The following VARS1 variants were observed in gnomAD, a reference collection of about 807,000 sequenced individuals.
VARS1 encodes valyl-tRNA synthetase 1.
Under a neutral mutation model 161.0 loss-of-function variants are expected in VARS1, and 92 were observed. The ratio of observed to expected loss-of-function variants is 0.57; its 90% CI spans 0.48 to 0.68. The LOEUF is 0.68. Among genes scored for constraint, VARS1 ranks in the 30% least tolerant of loss-of-function variants. VARS1 has a pLI of 0.00. For missense variants in VARS1, 1,338 were observed against 1,695.9 expected (o/e 0.79, Z 3.71); for synonymous variants, 595 against 682.5 (o/e 0.87, Z 2.00).
intron 8 of VARS1, among the ~76,000 whole-genome samples, chr6:31,790,518 C>T (rs1813802325): frequency 7.1e-6 from 1 of 141,616 alleles, no homozygotes; most frequent in Admixed American, 7.6e-5. Flanking sequence ...AAGAGAATCG[C>T]TTGAACCTAG....
rs766840856 is a variant in VARS1, at chr6:31,780,713, A to G, written c.2789T>C (p.Met930Thr). 26 of 1,614,056 alleles carry G rather than the reference A, an allele frequency of 1.6e-5. No individual in the cohort carries two copies. Among genetic ancestry groups the G allele is most frequent in the Non-Finnish European group, 2.2e-5 (26 of 1,180,030 alleles). ...DALRFGLCAY[M>T]SQGRDINLDV... ...CGCTTTGGGGGCCATACCCTGGGACATGTAGGCACATAATCCAAACCGGAG... is the reference window on the plus strand; with the variant it reads ...CGCTTTGGGGGCCATACCCTGGGACGTGTAGGCACATAATCCAAACCGGAG... The change falls in exon 24 of 30, where the codon ATG becomes ACG. Residue 930 changes from methionine to threonine, a missense_variant. Coordinates refer to ENST00000375663, the MANE Select transcript of VARS1 (RefSeq NM_006295.3). This position sits in a 1 kb window ranked among gnomAD's most constrained non-coding sequence, Gnocchi z 5.1.
In VARS1 at chr6:31,778,984, C is replaced by T; in HGVS notation, c.3709G>A (p.Glu1237Lys). Residue 1237 changes from glutamate (E) to lysine (K), a missense_variant, in exon 29 of 30, where the codon GAG becomes AAG. Coordinates refer to ENST00000375663, the MANE Select transcript of VARS1 (RefSeq NM_006295.3). This position sits in a 1 kb window ranked among gnomAD's most constrained non-coding sequence, Gnocchi z 5.1. ...YPVKVPLEVQ[E>K]ADEAKLQQTE... ...CCACACACCTTGGCTTCATCTGCCT[C>T]CTGGACTTCGAGCGGCACCTTGACA... 6.2e-7 allele frequency: 1 copy of T among 1,613,076 alleles called. No homozygotes were observed. Among genetic ancestry groups the T allele is most frequent in the Non-Finnish European group, 8.5e-7 (1 of 1,180,036 alleles).
Position 31,784,411 on chromosome 6 carries a change from T to TA in VARS1, c.1558dup (p.Tyr520LeufsTer2). On this transcript the variant is annotated frameshift_variant, in exon 12 of 30. Transcript: ENST00000375663. LOFTEE classifies it high-confidence loss of function. The surrounding 1 kb of genome is among the most constrained non-coding windows in gnomAD (Gnocchi z 6.1). Reference sequence around the variant, plus strand: ...GCTCCTACCTGAGCCTTGGACCTTATAGGCAAAGGACACGAGGACCCCGAA... The same window carrying TA: ...GCTCCTACCTGAGCCTTGGACCTTATAAGGCAAAGGACACGAGGACCCCGAA... The TA allele has an allele frequency of 6.2e-7, 1 of 1,614,118 alleles. No homozygotes were observed. Among genetic ancestry groups the TA allele is most frequent in the East Asian group, 2.2e-5 (1 of 44,876 alleles).
chr6:31,789,577 G>A (rs1581654628), intron 8 of VARS1, among the ~76,000 whole-genome samples: 1 of 152,148 alleles, frequency 6.6e-6, no homozygotes, highest in African/African-American at 2.4e-5. Context: ...TAATATAGGT[G>A]TGCCCCTGCC....
rs755739151 is a variant in VARS1, at chr6:31,792,264, G to A, written c.824C>T (p.Pro275Leu). ...PKPEKREKRD[P>L]GVITYDLPTP... ...TGGGAGGTCATAGGTAATGACCCCA[G>A]GATCCCGTTTCTCCCTCTTCTCTGG... Residue 275 changes from proline (P) to leucine (L), a missense_variant, in exon 6 of 30, where the codon CCT becomes CTT. Around this residue, in one of 3 missense-constraint regions of VARS1, gnomAD observed 902 missense variants for 1,090.3 expected, o/e 0.83. Transcript: ENST00000375663. The A allele has an allele frequency of 5.6e-6, 9 of 1,613,922 alleles. No individual in the cohort carries two copies. The South Asian group carries it at 9.9e-5, about 18-fold the overall frequency.
In VARS1 at chr6:31,785,948, A is replaced by T. The variant is rs1813474211; in HGVS notation, c.1101-215T>A. Among the ~76,000 whole-genome samples the T allele has an allele frequency of 6.6e-6, 1 of 152,160 alleles. No homozygotes were observed. Among genetic ancestry groups the T allele is most frequent in the Non-Finnish European group, 1.5e-5 (1 of 68,016 alleles). On this transcript the variant is annotated intron_variant, in intron 8 of 29. Transcript: ENST00000375663. This position sits in a 1 kb window ranked among gnomAD's most constrained non-coding sequence, Gnocchi z 6.1. ...TCGAGATGAGCCTGGCCAACATGGT[A>T]AAACCCCGTCTCTACTAAAAATACA...
Position 31,782,360 on chromosome 6 carries a change from G to T in VARS1, c.2075C>A (p.Ala692Asp). The T allele has an allele frequency of 6.2e-7, 1 of 1,612,786 alleles. No individual in the cohort carries two copies. Among genetic ancestry groups the T allele is most frequent in the Middle Eastern group, 1.6e-4 (1 of 6,062 alleles). ...CGEMAQAASA[A>D]VTRGDLRILP... ...GATGCGGAGGTCACCCCGAGTCACA[G>T]CGGCGCTGGCAGCCTGGGCCATCTC... Residue 692 changes from alanine to aspartate, a missense_variant, in exon 17 of 30, where the codon GCT becomes GAT. Physicochemically the swap from Ala to Asp is moderately radical, Grantham distance 126 (BLOSUM62 -2). Transcript: ENST00000375663. This position sits in a 1 kb window ranked among gnomAD's most constrained non-coding sequence, Gnocchi z 8.3.
chr6:31,793,783 T>G (rs1226335863), intron 2 of VARS1, among the ~76,000 whole-genome samples: 1 of 151,288 alleles, frequency 6.6e-6, no homozygotes, highest in African/African-American at 2.4e-5. Context: ...TTTTCTTAAC[T>G]CCTATGAAGA....
intron 6 of VARS1, 78 bp from the exon 7 acceptor site, chr6:31,792,049 G>A (rs1234648824): frequency 4.1e-6 from 6 of 1,471,354 alleles, no homozygotes; most frequent in Non-Finnish European, 5.5e-6. Flanking sequence ...GAGAGGGATC[G>A]GGATCTCCGT....
At position 31,784,090 on chromosome 6, in the gene VARS1, G is replaced by A. The variant is rs2151423552; in HGVS notation, c.1671+124C>T. 1 of 1,076,098 alleles carries A rather than the reference G, an allele frequency of 9.3e-7. No homozygotes were observed. 66.7% of individuals were successfully genotyped at this position (1,076,098 alleles called of 1,614,324 possible). The stretch of plus-strand genomic sequence containing the variant: ...TACCCTCAGAGCTGGGAAAGAAGCT[G>A]AAGACCAGTTTCTAACCCAGTTTCC... On this transcript the variant is annotated intron_variant, in intron 13 of 29. Coordinates refer to ENST00000375663, the MANE Select transcript of VARS1 (RefSeq NM_006295.3). This position sits in a 1 kb window ranked among gnomAD's most constrained non-coding sequence, Gnocchi z 6.1.
Position 31,791,762 on chromosome 6 carries a change from T to C in VARS1, c.973-25A>G. 1 of 1,612,992 alleles carries C rather than the reference T, an allele frequency of 6.2e-7. No homozygotes were observed. The highest frequency in any genetic ancestry group is 8.5e-7 in the Non-Finnish European group (1 of 1,179,990). ...GCTGATGGTGGAGAAGGATGGCACATGTTTAAGGCCTCAGGTCACCTCTCC... is the reference window on the plus strand; with the variant it reads ...GCTGATGGTGGAGAAGGATGGCACACGTTTAAGGCCTCAGGTCACCTCTCC... On this transcript the variant is annotated intron_variant, in intron 7 of 29. Coordinates refer to ENST00000375663, the MANE Select transcript of VARS1 (RefSeq NM_006295.3). The surrounding 1 kb of genome is among the most constrained non-coding windows in gnomAD (Gnocchi z 5.0).
At chr6:31,794,317 T>C (rs1814109035) in intron 2 of VARS1, among the ~76,000 whole-genome samples, 1 of 152,152 alleles carries the variant, frequency 6.6e-6, no homozygotes, top group African/African-American at 2.4e-5. Context: ...CTCAATACCA[T>C]GCAAGGAGGC....
Position 31,782,527 on chromosome 6 carries a change from C to T in VARS1, c.1991+3G>A. 1 of 1,613,038 alleles carries T rather than the reference C, an allele frequency of 6.2e-7. No homozygotes were observed. The highest frequency in any genetic ancestry group is 8.5e-7 in the Non-Finnish European group (1 of 1,180,028). ...TCCTCCCGTCCCAGGCCCCCACCCT[C>T]ACTTGCAAAGTGGCACCACCATGGG... On this transcript the variant is annotated splice_donor_region_variant and intron_variant, in intron 16 of 29. Coordinates refer to ENST00000375663, the MANE Select transcript of VARS1 (RefSeq NM_006295.3). This position sits in a 1 kb window ranked among gnomAD's most constrained non-coding sequence, Gnocchi z 8.3.
In VARS1 at chr6:31,779,068, C is replaced by A. The variant is rs774556830; in HGVS notation, c.3625G>T (p.Val1209Phe). 1 of 1,612,596 alleles carries A rather than the reference C, an allele frequency of 6.2e-7. No individual in the cohort carries two copies. Among genetic ancestry groups the A allele is most frequent in the East Asian group, 2.2e-5 (1 of 44,884 alleles). ...CGCTGGGCCTGCCGCTGGGCCTCAA[C>A]TCGCTTGGCTTGCAGCTTGCCCAGC... is the stretch of plus-strand genomic sequence containing the variant. ...RELGKLQAKR[V>F]EAQRQAQRLR... Residue 1209 changes from valine (V) to phenylalanine (F), a missense_variant, in exon 29 of 30, where the codon GTT becomes TTT. By Grantham distance (50) the Val-to-Phe change is conservative. This residue lies in a region of VARS1 where 433 missense variants were observed against 586.2 expected (regional missense o/e 0.74). Coordinates refer to ENST00000375663, the MANE Select transcript of VARS1 (RefSeq NM_006295.3). The surrounding 1 kb of genome is among the most constrained non-coding windows in gnomAD (Gnocchi z 9.1).
rs1261789457 is a variant in VARS1 at position 31,779,959 on chromosome 6, T to G, written c.3081+39A>C. ...TGAGCCCAGGGCTCTGCTGCCCACC[T>G]GCCCCCACCATCCCCTGCCCCGCTG... On this transcript the variant is annotated intron_variant, in intron 26 of 29. Transcript: ENST00000375663. The surrounding 1 kb of genome is among the most constrained non-coding windows in gnomAD (Gnocchi z 9.1). 5 of 1,610,366 alleles carry G rather than the reference T, an allele frequency of 3.1e-6. No individual in the cohort carries two copies. Among genetic ancestry groups the G allele is most frequent in the Non-Finnish European group, 4.2e-6 (5 of 1,178,224 alleles).
Position 31,784,585 on chromosome 6 carries a change from G to T in VARS1, c.1467+10C>A. 4 of 1,613,370 alleles carry T rather than the reference G, an allele frequency of 2.5e-6. No homozygotes were observed. The South Asian group carries it at 3.3e-5, about 13-fold the overall frequency. On this transcript the variant is annotated intron_variant, in intron 11 of 29. Coordinates refer to ENST00000375663, the MANE Select transcript of VARS1 (RefSeq NM_006295.3). This position sits in a 1 kb window ranked among gnomAD's most constrained non-coding sequence, Gnocchi z 6.1. ...TTGGAGATGGAGACAGGCCAGGTTG[G>T]GGGGCGCACCTCAATGTCAGAGATG...
rs1453144152 is a variant in VARS1 at position 31,781,774 on chromosome 6, A to G, written c.2348-13T>C. On this transcript the variant is annotated splice_polypyrimidine_tract_variant and intron_variant, in intron 19 of 29. Transcript: ENST00000375663. The surrounding 1 kb of genome is among the most constrained non-coding windows in gnomAD (Gnocchi z 6.8). ...AATACATCCTCATCTGAGAGAGGCC[A>G]AAGGTCAGAGGTCAGAGGGAGTGGA... The G allele has an allele frequency of 6.2e-7, 1 of 1,613,030 alleles. No individual in the cohort carries two copies. The highest frequency in any genetic ancestry group is 1.1e-5 in the South Asian group (1 of 91,080).
chr6:31,787,345 G>A (rs1452376386), intron 8 of VARS1, among the ~76,000 whole-genome samples: 2 of 152,010 alleles, frequency 1.3e-5, no homozygotes, highest in African/African-American at 4.8e-5. Flanking sequence ...TACCTTAAGA[G>A]TTTTATAAGA....
At position 31,780,355 on chromosome 6, in the gene VARS1, T is replaced by C. The variant is rs541740145; in HGVS notation, c.2925+86A>G. On this transcript the variant is annotated intron_variant, in intron 25 of 29. Coordinates refer to ENST00000375663, the MANE Select transcript of VARS1 (RefSeq NM_006295.3). The surrounding 1 kb of genome is among the most constrained non-coding windows in gnomAD (Gnocchi z 5.1). Reference sequence around the variant, plus strand: ...TTAACTGTCTGTCTCTGTGTCTATCTGTCCCCCCAGCTACATGGAGGCTGC... The same window carrying C: ...TTAACTGTCTGTCTCTGTGTCTATCCGTCCCCCCAGCTACATGGAGGCTGC... 1.2e-5 allele frequency: 19 copies of C among 1,557,644 alleles called. No homozygotes were observed. In the Admixed American group the frequency reaches 2.2e-4, roughly 18 times the overall value.
Sources: gnomAD v4.1 joint callset for allele counts (sites outside exome capture counted in the v4.1 genomes callset) on GRCh38, gnomAD v4.1.1 for gene constraint, gnomAD v4.1.1 regional missense constraint, Gnocchi (gnomAD v3.1) non-coding constraint, MANE v1.5 for transcripts, NCBI Gene and HGNC (gene_info 2026-07-23, HGNC 2026-07-21) for gene names.